Variants in TSPAN5 observed in about 807,000 individuals in gnomAD.
The protein encoded by TSPAN5 is tetraspanin-5.
A neutral mutation model predicts 37.1 loss-of-function variants in TSPAN5; 10 were observed. That is an observed-to-expected ratio of 0.27 (90% CI 0.17 to 0.46). The LOEUF (loss-of-function observed/expected upper bound fraction) is 0.46. Among genes scored for constraint, TSPAN5 ranks in the 20% least tolerant of loss-of-function variants. TSPAN5 has a pLI of 1.00. For missense variants in TSPAN5, 195 were observed against 326.6 expected, an observed-to-expected ratio of 0.60 and a Z score of 3.11; for synonymous variants, 110 against 118.9, an observed-to-expected ratio of 0.93 and a Z score of 0.48.
At chr4:98,508,719 C>T (rs934097266) in intron 1 of TSPAN5, among the ~76,000 whole-genome samples, 1 of 151,734 alleles carries the variant, frequency 6.6e-6, no homozygotes, top group Non-Finnish European at 1.5e-5. Flanking sequence ...GAGACAAGGC[C>T]TCACTATATT....
At chr4:98,520,675 C>T (rs968443586) in intron 1 of TSPAN5, among the ~76,000 whole-genome samples, 2 of 152,184 alleles carry the variant, frequency 1.3e-5, no homozygotes, top group African/African-American at 4.8e-5. Context: ...TGCAATGTCA[C>T]AAGACTGTGA....
At chr4:98,510,154 C>T (rs1053843631) in intron 1 of TSPAN5, among the ~76,000 whole-genome samples, 2 of 152,182 alleles carry the variant, frequency 1.3e-5, no homozygotes, top group Admixed American at 6.5e-5. Flanking sequence ...GAAATAGGCG[C>T]TCTTATTATC....
At chr4:98,490,120 G>A (rs1425286575) in intron 2 of TSPAN5, among the ~76,000 whole-genome samples, 1 of 152,128 alleles carries the variant, frequency 6.6e-6, no homozygotes, top group Non-Finnish European at 1.5e-5. Flanking sequence ...TTTTTAATGG[G>A]CTTTTTAGTT....
chr4:98,533,541 A>ACCTTTTT (rs1754149436), intron 1 of TSPAN5, among the ~76,000 whole-genome samples: 1 of 33,420 alleles, frequency 3.0e-5, no homozygotes, highest in Non-Finnish European at 4.8e-5. Context: ...TATCCCCTAT[A>ACCTTTTT]TCTTTTTTTT....
At chr4:98,520,047 G>T (rs1753820654) in intron 1 of TSPAN5, among the ~76,000 whole-genome samples, 1 of 152,192 alleles carries the variant, frequency 6.6e-6, no homozygotes, top group African/African-American at 2.4e-5. Context: ...ACTGACTGTG[G>T]TTATCATTAA....
Position 98,543,271 on chromosome 4 carries a change from G to A in TSPAN5, c.82-35543C>T, listed in dbSNP as rs369880182. ...CAACTCTGCATGAGCCTGTGTTCTC[G>A]CATCGTGGATGTGCCTATGGGGTCG... On this transcript the variant is annotated intron_variant, in intron 1 of 7. Coordinates refer to ENST00000305798, the MANE Select transcript of TSPAN5 (RefSeq NM_005723.4). 9.7e-4 allele frequency among the ~76,000 whole-genome samples: 148 copies of A among 152,200 alleles called. 3 individuals carry two copies. The highest frequency in any genetic ancestry group is 3.2e-3 in the African/African-American group (133 of 41,512).
intron 4 of TSPAN5, among the ~76,000 whole-genome samples, chr4:98,479,976 A>G (rs899260715): frequency 2.7e-4 from 41 of 151,956 alleles, no homozygotes; most frequent in Admixed American, 6.5e-4. Context: ...ACCTACCCCC[A>G]CCCTCACTAA....
chr4:98,605,419 G>A (rs545641003), intron 1 of TSPAN5, among the ~76,000 whole-genome samples: 3 of 152,176 alleles, frequency 2.0e-5, no homozygotes, highest in East Asian at 3.9e-4. Flanking sequence ...ACCAACACAC[G>A]ACCGGTCAGC....
At chr4:98,486,908 A>G in intron 2 of TSPAN5, 24 bp from the exon 3 acceptor site, 1 of 1,611,234 alleles carries the variant, frequency 6.2e-7, no homozygotes, top group Non-Finnish European at 8.5e-7. Flanking sequence ...AGAACACACA[A>G]CAAGGCACGG....
chr4:98,592,421 G>GTTTTTTTTTTTTTTTTTTTTTTTTTT (rs1204813183), intron 1 of TSPAN5, among the ~76,000 whole-genome samples: 1 of 95,278 alleles, frequency 1.0e-5, no homozygotes, highest in Admixed American at 1.2e-4. Context: ...AGGGATCTCT[G>GTTTTTTTTTTTTTTTTTTTTTTTTTT]TTTTTTGTTT....
At chr4:98,512,924 A>G (rs1753641831) in intron 1 of TSPAN5, among the ~76,000 whole-genome samples, 1 of 152,202 alleles carries the variant, frequency 6.6e-6, no homozygotes, top group African/African-American at 2.4e-5. Context: ...AAAACGTAAA[A>G]TCATTCCTAA....
At chr4:98,565,579 T>C (rs999750512) in intron 1 of TSPAN5, among the ~76,000 whole-genome samples, 3 of 152,246 alleles carry the variant, frequency 2.0e-5, no homozygotes, top group Non-Finnish European at 4.4e-5. Context: ...GATATTCTTG[T>C]GGATGTGACA....
intron 2 of TSPAN5, among the ~76,000 whole-genome samples, chr4:98,502,872 A>G (rs1753385605): frequency 6.6e-6 from 1 of 150,558 alleles, no homozygotes; most frequent in Admixed American, 6.7e-5. Flanking sequence ...ACTAAACTTG[A>G]CTGCAGTCAC....
At chr4:98,490,276 G>A (rs1560510124) in intron 2 of TSPAN5, among the ~76,000 whole-genome samples, 1 of 152,092 alleles carries the variant, frequency 6.6e-6, no homozygotes, top group African/African-American at 2.4e-5. Context: ...ACATACCTAT[G>A]CCCGAAATAG....
At position 98,470,940 on chromosome 4, in the gene TSPAN5, G is replaced by A. The variant is rs528626927; in HGVS notation, c.*1582C>T. ...GTCCGCACCGAAAAATGTGCCTGTG[G>A]TTTTCCCAGAGTTCCACAGACTGAT... is the stretch of plus-strand genomic sequence containing the variant. On this transcript the variant is annotated 3_prime_UTR_variant, in exon 8 of 8. Transcript: ENST00000305798. 1.3e-5 allele frequency: 2 copies of A among 152,300 alleles called. No individual in the cohort carries two copies. The highest frequency in any genetic ancestry group is 2.1e-4 in the South Asian group (1 of 4,826). The allele number at this position is 152,300 out of a possible 1,614,324, so 9.4% of individuals were successfully genotyped here. A position where few individuals can be genotyped will look rare whatever the true frequency, so the allele number is the denominator to read the frequency against.
chr4:98,571,378 G>A (rs545839082), intron 1 of TSPAN5, among the ~76,000 whole-genome samples: 2 of 152,140 alleles, frequency 1.3e-5, no homozygotes, highest in South Asian at 2.1e-4. Context: ...GTTACTGCAG[G>A]GGGGTGGCTG....
At chr4:98,605,301 C>A (rs1031433516) in intron 1 of TSPAN5, among the ~76,000 whole-genome samples, 25 of 152,276 alleles carry the variant, frequency 1.6e-4, no homozygotes, top group African/African-American at 6.0e-4. Flanking sequence ...CAATTATCAA[C>A]CAACAACTTG....
At chr4:98,616,862 A>C (rs1756352543) in intron 1 of TSPAN5, among the ~76,000 whole-genome samples, 2 of 126,178 alleles carry the variant, frequency 1.6e-5, no homozygotes, top group Non-Finnish European at 1.6e-5. Context: ...GAGAAGCTCC[A>C]CGTAAATTTT....
At position 98,598,040 on chromosome 4, in the gene TSPAN5, T is replaced by C. The variant is rs373471173; in HGVS notation, c.81+60106A>G. On this transcript the variant is annotated intron_variant, in intron 1 of 7. Transcript: ENST00000305798. The stretch of plus-strand genomic sequence containing the variant: ...GGCGGGCGCCCCTCCCCCAGCCTCG[T>C]TGCCGCCTTGCAGTTTGATCTCAGA... 9.3e-4 allele frequency among the ~76,000 whole-genome samples: 79 copies of C among 85,176 alleles called. 2 individuals carry two copies. The highest frequency in any genetic ancestry group is 5.0e-3 in the Middle Eastern group (1 of 200). The allele number at this position is 85,176 out of a possible 152,430, so 55.9% of individuals were successfully genotyped here.
Sources: allele counts gnomAD v4.1 joint callset (sites outside exome capture counted in the v4.1 genomes callset), GRCh38; gene constraint gnomAD v4.1.1; transcripts MANE v1.5; gene names NCBI Gene and HGNC (gene_info 2026-07-23, HGNC 2026-07-21).